EIF2AK4: variants seen among roughly 807,000 people sequenced by gnomAD.
EIF2AK4 encodes eukaryotic translation initiation factor 2 alpha kinase 4.
EIF2AK4 carries 139 observed loss-of-function variants against 211.1 expected under a neutral mutation model. The observed-to-expected ratio is 0.66, with a 90% CI of 0.57 to 0.76. The LOEUF (loss-of-function observed/expected upper bound fraction) is 0.76. Among genes scored for constraint, EIF2AK4 ranks in the 30% least tolerant of loss-of-function variants. The pLI is 0.00. For synonymous variants in EIF2AK4, 710 were observed against 751.3 expected, an observed-to-expected ratio of 0.94 and a Z score of 0.90; for missense variants, 1,664 against 2,043.8, an observed-to-expected ratio of 0.81 and a Z score of 3.58.
At chr15:39,965,175 G>C (rs2034525817) in intron 7 of EIF2AK4, among the ~76,000 whole-genome samples, 1 of 152,178 alleles carries the variant, frequency 6.6e-6, no homozygotes, top group Non-Finnish European at 1.5e-5. Flanking sequence ...AGGCTGGAGT[G>C]CAATGGTGCG....
chr15:39,973,160 T>C (rs2140916459), intron 10 of EIF2AK4, 146 bp downstream of exon 10: 2 of 704,730 alleles, frequency 2.8e-6, no homozygotes, highest in East Asian at 2.7e-5. Context: ...ATGTGTGCCA[T>C]GTGCATGGGA....
chr15:39,939,878 C>G (rs1305826313), intron 2 of EIF2AK4, among the ~76,000 whole-genome samples: 1 of 151,490 alleles, frequency 6.6e-6, no homozygotes, highest in Non-Finnish European at 1.5e-5. Context: ...GATGTGTTAA[C>G]TTTTGTTTAT....
chr15:39,942,646 GA>G (rs1406351084), intron 2 of EIF2AK4, among the ~76,000 whole-genome samples: 3 of 152,188 alleles, frequency 2.0e-5, no homozygotes, highest in African/African-American at 7.2e-5. Context: ...GGAATAAAAT[GA>G]AACCCGAGGG....
intron 14 of EIF2AK4, among the ~76,000 whole-genome samples, chr15:39,987,753 A>G (rs537093142): frequency 1.3e-5 from 2 of 152,372 alleles, no homozygotes; most frequent in South Asian, 4.1e-4. Context: ...ATGAGCAATA[A>G]TATAAAAAAT....
intron 8 of EIF2AK4, 134 bp downstream of exon 8, chr15:39,965,977 G>T: frequency 8.4e-7 from 1 of 1,185,372 alleles, no homozygotes; most frequent in East Asian, 2.6e-5. Context: ...TGACCAGGGA[G>T]GACAGTGAAG....
intron 9 of EIF2AK4, among the ~76,000 whole-genome samples, chr15:39,970,323 C>T (rs888532973): frequency 2.0e-5 from 3 of 152,156 alleles, no homozygotes; most frequent in African/African-American, 7.2e-5. Context: ...TAGGCTGTAA[C>T]ATTTTTCTGA....
intron 33 of EIF2AK4, among the ~76,000 whole-genome samples, chr15:40,028,882 G>C (rs981156786): frequency 4.0e-4 from 61 of 152,342 alleles, no homozygotes; most frequent in Admixed American, 3.5e-3. Flanking sequence ...TCCAGCAAAT[G>C]ATTATTTCCC....
chr15:39,992,698 T>A, intron 17 of EIF2AK4, 71 bp from the exon 18 acceptor site: 2 of 1,382,098 alleles, frequency 1.4e-6, no homozygotes. Flanking sequence ...AGAAACCTTT[T>A]TTTGTTTTTA....
chr15:39,968,876 A>ATATATG (rs2034581443), intron 9 of EIF2AK4, among the ~76,000 whole-genome samples: 1 of 119,140 alleles, frequency 8.4e-6, no homozygotes, highest in Non-Finnish European at 2.1e-5. Flanking sequence ...TGAATATGAT[A>ATATATG]TATATATATA....
intron 6 of EIF2AK4, among the ~76,000 whole-genome samples, chr15:39,956,421 C>T (rs960602701): frequency 6.6e-6 from 1 of 152,216 alleles, no homozygotes; most frequent in Admixed American, 6.5e-5. Flanking sequence ...GAATCATCAT[C>T]ATCCAGTGTT....
intron 14 of EIF2AK4, among the ~76,000 whole-genome samples, chr15:39,986,576 G>A (rs1206328488): frequency 1.3e-5 from 2 of 152,242 alleles, no homozygotes; most frequent in East Asian, 1.9e-4. Flanking sequence ...CAAGTTGGCC[G>A]GGCACGGTGG....
intron 32 of EIF2AK4, 139 bp from the exon 33 acceptor site, chr15:40,025,838 G>A: frequency 4.2e-6 from 3 of 710,916 alleles, no homozygotes; most frequent in Non-Finnish European, 6.9e-6. Flanking sequence ...ATTGCTAAAT[G>A]TCCCCTGGGG....
chr15:40,016,424 G>C, intron 27 of EIF2AK4, 78 bp from the exon 28 acceptor site: 1 of 1,543,306 alleles, frequency 6.5e-7, no homozygotes, highest in African/African-American at 1.4e-5. Flanking sequence ...TCCTGCTCCT[G>C]CAGGTGCACA....
chr15:39,949,298 A>G (rs751191406), intron 4 of EIF2AK4, 30 bp downstream of exon 4: 12 of 1,610,282 alleles, frequency 7.5e-6, no homozygotes, highest in Non-Finnish European at 9.3e-6. Context: ...GTCTGTGTGC[A>G]TGGCCAGCCT....
intron 4 of EIF2AK4, among the ~76,000 whole-genome samples, chr15:39,952,039 C>T (rs113066039): frequency 0.017 from 2,591 of 152,258 alleles, 82 homozygotes; most frequent in African/African-American, 0.06. Context: ...TCCTACCCCT[C>T]CCCATCCCTT....
intron 10 of EIF2AK4, 134 bp downstream of exon 10, chr15:39,973,148 T>G: frequency 1.3e-6 from 1 of 752,982 alleles, no homozygotes; most frequent in East Asian, 2.7e-5. Flanking sequence ...TCCATTAGTT[T>G]GATGTGTGCC....
chr15:39,946,174 A>T (rs548381088), intron 3 of EIF2AK4, among the ~76,000 whole-genome samples: 1 of 152,346 alleles, frequency 6.6e-6, no homozygotes, highest in East Asian at 1.9e-4. Context: ...ATAGTGATTC[A>T]TTTGATCTGA....
intron 2 of EIF2AK4, among the ~76,000 whole-genome samples, chr15:39,942,856 T>C (rs930060624): frequency 1.3e-5 from 2 of 152,234 alleles, no homozygotes; most frequent in Non-Finnish European, 2.9e-5. Flanking sequence ...CTCATCTATT[T>C]ATTCTTGTTC....
At chr15:39,996,580 G>A (rs746944877) in intron 18 of EIF2AK4, among the ~76,000 whole-genome samples, 6 of 152,092 alleles carry the variant, frequency 3.9e-5, no homozygotes, top group Non-Finnish European at 8.8e-5. Context: ...GCATGGTGGT[G>A]CACACCTGTA....
Sources: allele counts gnomAD v4.1 joint callset (sites outside exome capture counted in the v4.1 genomes callset), GRCh38; gene constraint gnomAD v4.1.1; transcripts MANE v1.5; gene names NCBI Gene and HGNC (gene_info 2026-07-23, HGNC 2026-07-21).